DLX6: variants seen among roughly 807,000 people sequenced by gnomAD.
DLX6 encodes distal-less homeobox 6, also known as homeobox protein DLX-6.
Under a neutral mutation model 33.5 loss-of-function variants are expected in DLX6, and 4 were observed. That is an observed-to-expected ratio of 0.12 (90% CI 0.06 to 0.27). DLX6 has a LOEUF of 0.27. DLX6 is among the 10% of genes least tolerant of loss of function. DLX6 has a pLI of 1.00. For missense variants in DLX6, 382 were observed against 393.3 expected, an observed-to-expected ratio of 0.97 and a Z score of 0.24; for synonymous variants, 184 against 164.8, an observed-to-expected ratio of 1.12 and a Z score of -0.89.
chr7:97,009,957 C>T lies in DLX6; in HGVS notation c.792C>T (p.Val264=), dbSNP rs1422782350. The T allele has an allele frequency of 6.2e-7, 1 of 1,613,596 alleles. No homozygotes were observed. Among genetic ancestry groups the T allele is most frequent in the African/African-American group, 1.3e-5 (1 of 74,920 alleles). Residue 264 remains valine (V), a synonymous_variant, in exon 3 of 3, where the codon GTC becomes GTT. Transcript: ENST00000518156. The part of the protein sequence containing the change: ...VWDVSASAKG[V]SMPPNSYMPG... ...ACGTTTCTGCCTCGGCCAAGGGTGT[C>T]AGTATGCCCCCCAACAGCTACATGC...
intron 2 of DLX6, among the ~76,000 whole-genome samples, chr7:97,008,194 A>G (rs1020981624): frequency 6.6e-6 from 1 of 152,232 alleles, no homozygotes; most frequent in Non-Finnish European, 1.5e-5. Context: ...ATAAGGTTCA[A>G]CTTTTTTAAG....
In DLX6 at chr7:97,010,720, A is replaced by G. The variant is rs1789827912; in HGVS notation, c.*673A>G. The G allele has an allele frequency of 6.6e-6, 1 of 152,558 alleles. No individual in the cohort carries two copies. The highest frequency in any genetic ancestry group is 2.4e-5 in the African/African-American group (1 of 41,434). 9.5% of individuals were successfully genotyped at this position (152,558 alleles called of 1,614,324 possible). On this transcript the variant is annotated 3_prime_UTR_variant, in exon 3 of 3. Coordinates refer to ENST00000518156, the MANE Select transcript of DLX6 (RefSeq NM_005222.4). ...GTGGCTGTAAGATTAGAACATTGCT[A>G]CAAAGGGAATGCTGCATGTTTTATC...
At chr7:97,008,532 A>G (rs1049346778) in intron 2 of DLX6, among the ~76,000 whole-genome samples, 3 of 152,210 alleles carry the variant, frequency 2.0e-5, no homozygotes, top group Non-Finnish European at 4.4e-5. Flanking sequence ...AGTTAAGTAC[A>G]GTTACTGAAG....
At chr7:97,006,529 C>T in intron 1 of DLX6, 116 bp downstream of exon 1, 1 of 1,135,156 alleles carries the variant, frequency 8.8e-7, no homozygotes, top group Admixed American at 4.4e-5. Flanking sequence ...CAGGCGGCCC[C>T]GCGCGCCCTT....
chr7:97,009,978 C>T lies in DLX6; in HGVS notation c.813C>T (p.Tyr271=). The T allele has an allele frequency of 6.2e-7, 1 of 1,612,832 alleles. No homozygotes were observed. The highest frequency in any genetic ancestry group is 8.5e-7 in the Non-Finnish European group (1 of 1,179,354). Residue 271 remains tyrosine (Y), a synonymous_variant, in exon 3 of 3, where the codon TAC becomes TAT. Coordinates refer to ENST00000518156, the MANE Select transcript of DLX6 (RefSeq NM_005222.4). ...AKGVSMPPNS[Y]MPGYSHWYSS... The stretch of plus-strand genomic sequence containing the variant: ...GTGTCAGTATGCCCCCCAACAGCTA[C>T]ATGCCTGGCTATTCTCACTGGTACT...
rs767433793 is a variant in DLX6 at position 97,006,114 on chromosome 7, C to T, written c.137C>T (p.Pro46Leu). 2 of 1,494,024 alleles carry T rather than the reference C, an allele frequency of 1.3e-6. No homozygotes were observed. Among genetic ancestry groups the T allele is most frequent in the Non-Finnish European group, 9.0e-7 (1 of 1,105,594 alleles). The allele number at this position is 1,494,024 out of a possible 1,614,324, so 92.5% of individuals were successfully genotyped here. A position where few individuals can be genotyped will look rare whatever the true frequency, so the allele number is the denominator to read the frequency against. Residue 46 changes from proline (P) to leucine (L), a missense_variant, in exon 1 of 3, where the codon CCG (proline) becomes CTG (leucine). Coordinates refer to ENST00000518156, the MANE Select transcript of DLX6 (RefSeq NM_005222.4). The stretch of plus-strand genomic sequence containing the variant: ...CAGCAGCAGCAACAGCAACAGCCGC[C>T]GCCGCCGCCGCCGCCGCCGCCGCAG... ...QQQQQQQQQP[P>L]PPPPPPPQPH...
At chr7:97,009,658 T>G (rs1229228453) in intron 2 of DLX6, 138 bp from the exon 3 acceptor site, 1 of 1,279,102 alleles carries the variant, frequency 7.8e-7, no homozygotes, top group East Asian at 2.3e-5. Flanking sequence ...AGGCGGGGAC[T>G]TGGCTTGTAG....
Position 97,006,136 on chromosome 7 carries a change from G to A in DLX6, c.159G>A (p.Pro53=). The change falls in exon 1 of 3, where the codon CCG becomes CCA. Residue 53 remains proline, a synonymous_variant. Coordinates refer to ENST00000518156, the MANE Select transcript of DLX6 (RefSeq NM_005222.4). ...QQPPPPPPPP[P]QPHSQQSSPA... Reference sequence around the variant, plus strand: ...CGCCGCCGCCGCCGCCGCCGCCGCCGCAGCCGCACTCGCAGCAGAGCTCCC... The same window carrying A: ...CGCCGCCGCCGCCGCCGCCGCCGCCACAGCCGCACTCGCAGCAGAGCTCCC... 1 of 1,538,576 alleles carries A rather than the reference G, an allele frequency of 6.5e-7. No individual in the cohort carries two copies. The highest frequency in any genetic ancestry group is 8.8e-7 in the Non-Finnish European group (1 of 1,138,086).
chr7:97,005,669 C>G lies in DLX6; in HGVS notation c.-309C>G, dbSNP rs538062442. ...CCCCAAAAAATCCAAGGGGGGAAAGCAGGCGGGGGGAGAGCAGATTCCCCC... is the reference window on the plus strand; with the variant it reads ...CCCCAAAAAATCCAAGGGGGGAAAGGAGGCGGGGGGAGAGCAGATTCCCCC... On this transcript the variant is annotated 5_prime_UTR_variant, in exon 1 of 3. Coordinates refer to ENST00000518156, the MANE Select transcript of DLX6 (RefSeq NM_005222.4). 5 of 177,700 alleles carry G rather than the reference C, an allele frequency of 2.8e-5. No individual in the cohort carries two copies. The highest frequency in any genetic ancestry group is 6.2e-5 in the Admixed American group (1 of 16,034). The allele number at this position is 177,700 out of a possible 1,614,324, so 11.0% of individuals were successfully genotyped here.
In DLX6 at chr7:97,006,162, C is replaced by G; in HGVS notation, c.185C>G (p.Pro62Arg). The G allele has an allele frequency of 6.5e-7, 1 of 1,543,076 alleles. No homozygotes were observed. Among genetic ancestry groups the G allele is most frequent in the Non-Finnish European group, 8.8e-7 (1 of 1,141,186 alleles). ...CAGCCGCACTCGCAGCAGAGCTCCCCGGCCATGGCAGGCGCGCACTACCCT... is the reference window on the plus strand; with the variant it reads ...CAGCCGCACTCGCAGCAGAGCTCCCGGGCCATGGCAGGCGCGCACTACCCT... Reference protein sequence around the residue: ...PPQPHSQQSSPAMAGAHYPLH... With the variant: ...PPQPHSQQSSRAMAGAHYPLH... The change falls in exon 1 of 3, where the codon CCG (proline) becomes CGG (arginine). Residue 62 changes from proline to arginine, a missense_variant. Transcript: ENST00000518156.
At position 97,010,593 on chromosome 7, in the gene DLX6, G is replaced by A. The variant is rs1267025781; in HGVS notation, c.*546G>A. The stretch of plus-strand genomic sequence containing the variant: ...GAGTTTAAGACATTACATGGTGAAA[G>A]AGAAGCATTTTGGACTCCTGCATTT... On this transcript the variant is annotated 3_prime_UTR_variant, in exon 3 of 3. Transcript: ENST00000518156. The A allele has an allele frequency of 6.6e-6, 1 of 152,508 alleles. No homozygotes were observed. 9.4% of individuals were successfully genotyped at this position (152,508 alleles called of 1,614,324 possible). A position where few individuals can be genotyped will look rare whatever the true frequency, so the allele number is the denominator to read the frequency against.
chr7:97,010,142 T>C lies in DLX6; in HGVS notation c.*95T>C. The C allele has an allele frequency of 6.9e-7, 1 of 1,444,778 alleles. No individual in the cohort carries two copies. The highest frequency in any genetic ancestry group is 9.3e-7 in the Non-Finnish European group (1 of 1,076,724). The allele number at this position is 1,444,778 out of a possible 1,614,324, so 89.5% of individuals were successfully genotyped here. A position where few individuals can be genotyped will look rare whatever the true frequency, so the allele number is the denominator to read the frequency against. ...GCGAAAAGGAGCCAAAGGAGCAGGC[T>C]TAGGAGAGCTCATAAGTGTGGCAAG... is the stretch of plus-strand genomic sequence containing the variant. On this transcript the variant is annotated 3_prime_UTR_variant, in exon 3 of 3. Coordinates refer to ENST00000518156, the MANE Select transcript of DLX6 (RefSeq NM_005222.4).
Position 97,006,292 on chromosome 7 carries a change from G to A in DLX6, c.315G>A (p.Gly105=), listed in dbSNP as rs756509339. 136 of 1,528,882 alleles carry A rather than the reference G, an allele frequency of 8.9e-5. 2 individuals are homozygous for A. The South Asian group carries it at 1.6e-3, about 18-fold the overall frequency. The allele number at this position is 1,528,882 out of a possible 1,614,324, so 94.7% of individuals were successfully genotyped here. Residue 105 remains glycine, a synonymous_variant, in exon 1 of 3, where the codon GGG becomes GGA. Transcript: ENST00000518156. ...HHGSPYASGG[G]NSYNHRSLAA... ...GCTCGCCCTACGCGTCGGGCGGAGGGAACTCCTACAACCACCGCTCGCTCG... is the reference window on the plus strand; with the variant it reads ...GCTCGCCCTACGCGTCGGGCGGAGGAAACTCCTACAACCACCGCTCGCTCG...
At position 97,009,913 on chromosome 7, in the gene DLX6, G is replaced by C. The variant is rs745808846; in HGVS notation, c.748G>C (p.Ala250Pro). Residue 250 changes from alanine (A) to proline (P), a missense_variant, in exon 3 of 3, where the codon GCG becomes CCG. Physicochemically the swap from Ala to Pro is conservative, Grantham distance 27. Transcript: ENST00000518156. Reference protein sequence around the residue: ...GSAALSPRSPALPPVWDVSAS... With the variant: ...GSAALSPRSPPLPPVWDVSAS... ...GGCGGCCCTGTCGCCACGCTCGCCAGCGCTGCCTCCAGTCTGGGACGTTTC... is the reference window on the plus strand; with the variant it reads ...GGCGGCCCTGTCGCCACGCTCGCCACCGCTGCCTCCAGTCTGGGACGTTTC... The C allele has an allele frequency of 6.2e-7, 1 of 1,613,878 alleles. No homozygotes were observed. The highest frequency in any genetic ancestry group is 8.5e-7 in the Non-Finnish European group (1 of 1,179,890).
chr7:97,010,086 G>A lies in DLX6; in HGVS notation c.*39G>A. The A allele has an allele frequency of 6.4e-7, 1 of 1,554,272 alleles. No homozygotes were observed. The highest frequency in any genetic ancestry group is 1.4e-5 in the African/African-American group (1 of 73,224). The stretch of plus-strand genomic sequence containing the variant: ...ACACCCTAGGGAAACGTCTGAACAA[G>A]GAAAAGAGGATCCGGGACCTGCTTG... On this transcript the variant is annotated 3_prime_UTR_variant, in exon 3 of 3. Coordinates refer to ENST00000518156, the MANE Select transcript of DLX6 (RefSeq NM_005222.4).
rs1413831550 is a variant in DLX6 at position 97,006,091 on chromosome 7, G to GCAGCAGCAA, written c.120_128dup (p.Gln42_Gln44dup). 1.9e-6 allele frequency: 3 copies of GCAGCAGCAA among 1,559,996 alleles called. No homozygotes were observed. The South Asian group carries it at 3.5e-5, about 18-fold the overall frequency. On this transcript the variant is annotated inframe_insertion, in exon 1 of 3. Coordinates refer to ENST00000518156, the MANE Select transcript of DLX6 (RefSeq NM_005222.4). Reference sequence around the variant, plus strand: ...AGCAGCAGCAACAGCAGCAGCAGCAGCAGCAGCAACAGCAACAGCCGCCGC... The same window carrying GCAGCAGCAA: ...AGCAGCAGCAACAGCAGCAGCAGCAGCAGCAGCAACAGCAGCAACAGCAACAGCCGCCGC...
chr7:97,006,485 C>T (rs1447500901), intron 1 of DLX6, 72 bp downstream of exon 1: 4 of 1,203,884 alleles, frequency 3.3e-6, no homozygotes, highest in African/African-American at 1.6e-5. Flanking sequence ...CCGCTCACTT[C>T]CTCGACGCCC....
intron 2 of DLX6, 33 bp from the exon 3 acceptor site, chr7:97,009,763 T>G (rs1187586076): frequency 2.5e-6 from 4 of 1,605,582 alleles, no homozygotes; most frequent in Non-Finnish European, 3.4e-6. Context: ...GGTTTGATGT[T>G]TATGGGCCTA....
Position 97,006,178 on chromosome 7 carries a change from G to T in DLX6, c.201G>T (p.Ala67=). 1 of 1,540,882 alleles carries T rather than the reference G, an allele frequency of 6.5e-7. No homozygotes were observed. The highest frequency in any genetic ancestry group is 1.4e-5 in the African/African-American group (1 of 72,642). Residue 67 remains alanine, a synonymous_variant, in exon 1 of 3, where the codon GCG becomes GCT. Transcript: ENST00000518156. ...AGAGCTCCCCGGCCATGGCAGGCGCGCACTACCCTCTGCACTGCCTGCACT... is the reference window on the plus strand; with the variant it reads ...AGAGCTCCCCGGCCATGGCAGGCGCTCACTACCCTCTGCACTGCCTGCACT... The part of the protein sequence containing the change: ...SQQSSPAMAG[A]HYPLHCLHSA...
Sources: gnomAD v4.1 joint callset for allele counts (sites outside exome capture counted in the v4.1 genomes callset) on GRCh38, gnomAD v4.1.1 for gene constraint, MANE v1.5 for transcripts, NCBI Gene and HGNC (gene_info 2026-07-23, HGNC 2026-07-21) for gene names.